The following SNTG2 variants were observed in gnomAD, a reference collection of about 807,000 sequenced individuals.
SNTG2 encodes gamma-2-syntrophin.
A neutral mutation model predicts 70.9 loss-of-function variants in SNTG2; 74 were observed. The ratio of observed to expected loss-of-function variants is 1.04; its 90% CI spans 0.86 to 1.27. The LOEUF (loss-of-function observed/expected upper bound fraction) is 1.27, where lower values mean the gene tolerates loss of function less well. Among genes scored for constraint, SNTG2 ranks in the 50% most tolerant of loss-of-function variants. The probability of loss-of-function intolerance (pLI) is 0.00; values close to 1 mark genes in which losing one functional copy is unlikely to be tolerated. For synonymous variants in SNTG2, 278 were observed against 273.8 expected (o/e 1.02, Z -0.15); for missense variants, 717 against 690.7 (o/e 1.04, Z -0.43).
At chr2:974,936 C>T (rs1407703843) in intron 1 of SNTG2, among the ~76,000 whole-genome samples, 1 of 152,164 alleles carries the variant, frequency 6.6e-6, no homozygotes, top group Non-Finnish European at 1.5e-5. Context: ...TCTCATCTAT[C>T]CTAATTTTCT....
intron 14 of SNTG2, among the ~76,000 whole-genome samples, chr2:1,307,721 G>T (rs527569367): frequency 5.3e-5 from 8 of 152,266 alleles, no homozygotes; most frequent in Non-Finnish European, 5.9e-5. Context: ...GTCTGGAGTC[G>T]CATGAAAACA....
rs540160203 is a variant in SNTG2, at chr2:1,180,454, A to G, written c.591+7271A>G. 2.8e-3 allele frequency among the ~76,000 whole-genome samples: 361 copies of G among 130,538 alleles called. 21 individuals carry two copies. The highest frequency in any genetic ancestry group is 9.5e-3 in the African/African-American group (348 of 36,630). The allele number at this position is 130,538 out of a possible 152,430, so 85.6% of individuals were successfully genotyped here. ...AAAGAAGACATTTATGCAGCCAAAA[A>G]ACACATGAAAAAATGCTCATCATCA... On this transcript the variant is annotated intron_variant, in intron 8 of 16. Coordinates refer to ENST00000308624, the MANE Select transcript of SNTG2 (RefSeq NM_018968.4).
intron 1 of SNTG2, among the ~76,000 whole-genome samples, chr2:982,934 G>C (rs561846389): frequency 5.1e-4 from 78 of 152,348 alleles, no homozygotes; most frequent in African/African-American, 1.8e-3. Context: ...TGAAGCAGAG[G>C]CTCTCTTCCA....
intron 1 of SNTG2, among the ~76,000 whole-genome samples, chr2:1,029,939 G>A (rs954817652): frequency 2.0e-5 from 3 of 152,124 alleles, no homozygotes; most frequent in African/African-American, 4.8e-5. Context: ...TTACGTTCCT[G>A]TATCATTTCC....
intron 8 of SNTG2, among the ~76,000 whole-genome samples, chr2:1,183,794 A>C (rs1412625314): frequency 6.6e-6 from 1 of 152,204 alleles, no homozygotes; most frequent in Admixed American, 6.5e-5. Flanking sequence ...TGAAGGAAAA[A>C]TTAAGGAAAC....
chr2:1,227,061 C>A (rs1032667957), intron 9 of SNTG2, among the ~76,000 whole-genome samples: 1 of 152,228 alleles, frequency 6.6e-6, no homozygotes, highest in African/African-American at 2.4e-5. Flanking sequence ...TATAAGTGTC[C>A]TTGTACATTC....
intron 1 of SNTG2, among the ~76,000 whole-genome samples, chr2:1,074,068 G>A (rs1663759275): frequency 1.3e-5 from 2 of 152,152 alleles, no homozygotes; most frequent in African/African-American, 4.8e-5. Context: ...CGCCCAGATA[G>A]GTTCCCAGAC....
At chr2:1,265,026 G>C (rs150264418) in intron 13 of SNTG2, among the ~76,000 whole-genome samples, 1 of 152,360 alleles carries the variant, frequency 6.6e-6, no homozygotes, top group East Asian at 1.9e-4. Context: ...CTGCGTGAGA[G>C]TTGGCGCCCC....
chr2:1,025,505 A>T (rs1463584832), intron 1 of SNTG2, among the ~76,000 whole-genome samples: 1 of 152,220 alleles, frequency 6.6e-6, no homozygotes, highest in Non-Finnish European at 1.5e-5. Context: ...AATGGGTTGC[A>T]CTAGGCTAAA....
In SNTG2 at chr2:1,160,446, G is replaced by A. The variant is rs930878272; in HGVS notation, c.412-5102G>A. 5 of 152,242 alleles carry A rather than the reference G, an allele frequency of 3.3e-5. No homozygotes were observed. The South Asian group carries it at 8.3e-4, about 25-fold the overall frequency. The allele number at this position is 152,242 out of a possible 1,614,324, so 9.4% of individuals were successfully genotyped here. A position where few individuals can be genotyped will look rare whatever the true frequency, so the allele number is the denominator to read the frequency against. The stretch of plus-strand genomic sequence containing the variant: ...TAAAACTGGAGCTGCGTTGACCCGA[G>A]GCTGCTGTGTGTAGAATCATGTGTT... On this transcript the variant is annotated intron_variant, in intron 6 of 16. Transcript: ENST00000308624.
intron 4 of SNTG2, among the ~76,000 whole-genome samples, chr2:1,105,875 G>A (rs1016519170): frequency 3.3e-5 from 5 of 152,204 alleles, no homozygotes; most frequent in Non-Finnish European, 7.3e-5. Flanking sequence ...TCACCTGGAA[G>A]ATCAGCCTCC....
chr2:1,125,321 A>T (rs1667631783), intron 4 of SNTG2, among the ~76,000 whole-genome samples: 1 of 152,146 alleles, frequency 6.6e-6, no homozygotes, highest in South Asian at 2.1e-4. Context: ...ATCAAAGTAG[A>T]GATTTTTTGT....
chr2:1,079,310 A>G (rs1204503567), intron 1 of SNTG2, among the ~76,000 whole-genome samples: 1 of 152,266 alleles, frequency 6.6e-6, no homozygotes, highest in East Asian at 1.9e-4. Flanking sequence ...CCTGGAGGGC[A>G]TATTACTGCA....
At chr2:1,255,642 C>T (rs762210904) in intron 12 of SNTG2, among the ~76,000 whole-genome samples, 7 of 151,734 alleles carry the variant, frequency 4.6e-5, no homozygotes, top group Non-Finnish European at 1.0e-4. Flanking sequence ...GCAGGTGACG[C>T]CTGGCCACAC....
intron 2 of SNTG2, among the ~76,000 whole-genome samples, chr2:1,089,492 G>C (rs533434409): frequency 5.9e-5 from 9 of 152,246 alleles, no homozygotes; most frequent in African/African-American, 2.2e-4. Flanking sequence ...AAAATTAGTC[G>C]GGTGTGATGG....
intron 12 of SNTG2, among the ~76,000 whole-genome samples, chr2:1,257,593 A>G (rs992652579): frequency 6.6e-6 from 1 of 152,222 alleles, no homozygotes; most frequent in Admixed American, 6.5e-5. Context: ...GTCTTAGAAC[A>G]TGACTCAAAT....
At chr2:1,262,609 G>T (rs1387705736) in intron 13 of SNTG2, among the ~76,000 whole-genome samples, 1 of 133,958 alleles carries the variant, frequency 7.5e-6, no homozygotes, top group Non-Finnish European at 1.7e-5. Context: ...AAACCCAAAG[G>T]CTCAGTCCAG....
chr2:1,179,593 C>T (rs1201580789), intron 8 of SNTG2, among the ~76,000 whole-genome samples: 1 of 151,966 alleles, frequency 6.6e-6, no homozygotes, highest in Non-Finnish European at 1.5e-5. Flanking sequence ...AAGAACATTC[C>T]ATGCTCATGG....
At chr2:1,310,186 C>G (rs1680910308) in intron 15 of SNTG2, among the ~76,000 whole-genome samples, 1 of 152,192 alleles carries the variant, frequency 6.6e-6, no homozygotes, top group Non-Finnish European at 1.5e-5. Context: ...CACTGCAGCC[C>G]CTGGGGTCCT....
Sources: allele counts gnomAD v4.1 joint callset (sites outside exome capture counted in the v4.1 genomes callset), GRCh38; gene constraint gnomAD v4.1.1; transcripts MANE v1.5; gene names NCBI Gene and HGNC (gene_info 2026-07-23, HGNC 2026-07-21).